The following DGKB variants were observed in gnomAD, a reference collection of about 807,000 sequenced individuals.
DGKB encodes the protein diacylglycerol kinase beta, also known as 90 kDa diacylglycerol kinase.
A neutral mutation model predicts 114.3 loss-of-function variants in DGKB; 67 were observed. The observed-to-expected ratio is 0.59, with a 90% confidence interval of 0.48 to 0.72. DGKB has a LOEUF of 0.72. Ranked by LOEUF, DGKB falls within the 30% of genes least tolerant of loss-of-function variation. The pLI is 0.00. For missense variants in DGKB, 907 were observed against 975.2 expected (o/e 0.93, Z 0.93); for synonymous variants, 398 against 323.1 (o/e 1.23, Z -2.49).
chr7:14,872,115 C>A (rs1852560674), intron 1 of DGKB, among the ~76,000 whole-genome samples: 1 of 152,104 alleles, frequency 6.6e-6, no homozygotes, highest in Admixed American at 6.6e-5. Context: ...GATGAAGGAT[C>A]AAGCATCATA....
At chr7:14,921,381 A>G (rs1784502808) in intron 1 of DGKB, among the ~76,000 whole-genome samples, 1 of 152,188 alleles carries the variant, frequency 6.6e-6, no homozygotes, top group Non-Finnish European at 1.5e-5. Context: ...ATTTTTCTGC[A>G]AAGGTAATAT....
intron 17 of DGKB, among the ~76,000 whole-genome samples, chr7:14,602,005 A>G (rs1264543483): frequency 2.0e-5 from 3 of 149,294 alleles, no homozygotes; most frequent in Non-Finnish European, 4.4e-5. Context: ...CATCCTCCAT[A>G]TTGCAGCCTC....
At chr7:14,524,193 T>A (rs1584561724) in intron 20 of DGKB, among the ~76,000 whole-genome samples, 1 of 152,194 alleles carries the variant, frequency 6.6e-6, no homozygotes, top group African/African-American at 2.4e-5. Context: ...ATTCTAAAAA[T>A]TTCTTAGATG....
chr7:14,672,756 A>G (rs1018670789), intron 13 of DGKB, among the ~76,000 whole-genome samples, 173 bp downstream of exon 13: 1 of 152,144 alleles, frequency 6.6e-6, no homozygotes, highest in Non-Finnish European at 1.5e-5. Flanking sequence ...TGACAGAAGG[A>G]AAAAGGAAAT....
chr7:14,351,431 C>T (rs75607033), intron 21 of DGKB, among the ~76,000 whole-genome samples: 2,466 of 152,224 alleles, frequency 0.016, 36 homozygotes, highest in South Asian at 0.087. Context: ...GGTCGGCAAA[C>T]GAGCCCTAGG....
intron 21 of DGKB, among the ~76,000 whole-genome samples, chr7:14,441,612 A>T (rs1406700390): frequency 1.3e-5 from 2 of 152,084 alleles, no homozygotes; most frequent in Non-Finnish European, 2.9e-5. Flanking sequence ...TTTGTTTATT[A>T]CATTTAGATC....
chr7:14,739,998 G>C (rs1832332815), intron 4 of DGKB, among the ~76,000 whole-genome samples: 1 of 152,196 alleles, frequency 6.6e-6, no homozygotes, highest in African/African-American at 2.4e-5. Flanking sequence ...TGTACTTTCG[G>C]CATCCAACAG....
At position 14,278,629 on chromosome 7, in the gene DGKB, G is replaced by A. The variant is rs551675238; in HGVS notation, c.2122+59886C>T. ...CCCAAAGCACAGTCAACAAAAAGTA[G>A]ACAAATGGGATTGCATCAAACTAAA... On this transcript the variant is annotated intron_variant, in intron 23 of 25. Transcript: ENST00000402815. Among the ~76,000 whole-genome samples, 8 of 152,150 alleles carry A rather than the reference G, an allele frequency of 5.3e-5. No individual in the cohort carries two copies. In the East Asian group the frequency reaches 1.5e-3, roughly 29 times the overall value.
intron 20 of DGKB, among the ~76,000 whole-genome samples, chr7:14,521,612 G>C (rs1450520812): frequency 1.3e-5 from 2 of 151,930 alleles, no homozygotes; most frequent in South Asian, 2.1e-4. Context: ...TTAATTTAAA[G>C]TAATTGTTAT....
intron 23 of DGKB, among the ~76,000 whole-genome samples, chr7:14,278,874 G>A (rs1407208528): frequency 6.6e-6 from 1 of 152,170 alleles, no homozygotes; most frequent in Admixed American, 6.5e-5. Context: ...TTGGAAAGGA[G>A]GAGCCAAGAC....
chr7:14,219,175 T>C (rs887268594), intron 23 of DGKB, among the ~76,000 whole-genome samples: 1 of 151,910 alleles, frequency 6.6e-6, no homozygotes, highest in Admixed American at 6.6e-5. Flanking sequence ...CATCCCCTGA[T>C]TGGCATTTTG....
At chr7:14,907,093 A>C (rs1024793517), upstream of DGKB, among the ~76,000 whole-genome samples, 1 of 152,202 alleles carries the variant, frequency 6.6e-6, no homozygotes, top group African/African-American at 2.4e-5. Flanking sequence ...ACTGGTTTTA[A>C]ATCAATGAAT....
At chr7:14,547,136 T>C (rs1200065517) in intron 20 of DGKB, among the ~76,000 whole-genome samples, 2 of 152,156 alleles carry the variant, frequency 1.3e-5, no homozygotes. Context: ...TTTCTCCTTT[T>C]CTTTTGAGTT....
chr7:14,292,251 A>G (rs543375499), intron 23 of DGKB, among the ~76,000 whole-genome samples: 1 of 152,138 alleles, frequency 6.6e-6, no homozygotes, highest in African/African-American at 2.4e-5. Flanking sequence ...TGGATATGAC[A>G]TGATTATTTA....
At chr7:14,580,400 C>T (rs1799753081) in intron 19 of DGKB, among the ~76,000 whole-genome samples, 1 of 152,188 alleles carries the variant, frequency 6.6e-6, no homozygotes, top group Non-Finnish European at 1.5e-5. Context: ...ATCCAAAGTG[C>T]AGAGCACAGC....
intron 13 of DGKB, among the ~76,000 whole-genome samples, chr7:14,658,539 A>G (rs1375600559): frequency 6.6e-6 from 1 of 151,912 alleles, no homozygotes; most frequent in African/African-American, 2.4e-5. Context: ...AGTTTCACAC[A>G]TTGTATGTTT....
intron 23 of DGKB, among the ~76,000 whole-genome samples, chr7:14,187,123 C>T (rs1783562940): frequency 6.6e-6 from 1 of 152,130 alleles, no homozygotes; most frequent in Non-Finnish European, 1.5e-5. Context: ...ACAGTCCTAC[C>T]AATAAATCAT....
At chr7:14,815,216 G>A (rs2128089524) in intron 2 of DGKB, 1 of 152,288 alleles carries the variant, frequency 6.6e-6, no homozygotes, top group South Asian at 2.1e-4. Context: ...TGTGGGACAG[G>A]TATCAAATGT....
intron 13 of DGKB, among the ~76,000 whole-genome samples, chr7:14,652,873 C>T (rs990934373): frequency 6.6e-5 from 10 of 152,134 alleles, no homozygotes; most frequent in Non-Finnish European, 1.2e-4. Flanking sequence ...CAAAAGAAGA[C>T]ATTTATGCAG....
Sources: allele counts gnomAD v4.1 joint callset (sites outside exome capture counted in the v4.1 genomes callset), GRCh38; gene constraint gnomAD v4.1.1; transcripts MANE v1.5; gene names NCBI Gene and HGNC (gene_info 2026-07-23, HGNC 2026-07-21).